Variants in LRRC72 observed in about 807,000 individuals in gnomAD.
The protein encoded by LRRC72 is leucine-rich repeat-containing protein 72.
A neutral mutation model predicts 35.8 loss-of-function variants in LRRC72; 41 were observed. The observed-to-expected ratio is 1.15, with a 90% CI of 0.89 to 1.49. The LOEUF (loss-of-function observed/expected upper bound fraction) is 1.49, where lower values mean the gene tolerates loss of function less well. Ranked by LOEUF, LRRC72 falls within the 40% of genes most tolerant of loss-of-function variation. The pLI, the probability that LRRC72 is intolerant of heterozygous loss-of-function variation, is 0.00. For missense variants in LRRC72, 389 were observed against 330.7 expected, an observed-to-expected ratio of 1.18 and a Z score of -1.37; for synonymous variants, 118 against 119.2, an observed-to-expected ratio of 0.99 and a Z score of 0.07.
intron 7 of LRRC72, among the ~76,000 whole-genome samples, chr7:16,571,116 A>T (rs1782936292): frequency 6.6e-6 from 1 of 152,102 alleles, no homozygotes; most frequent in African/African-American, 2.4e-5. Context: ...TGAAAGTAAC[A>T]TCCATAGGAC....
At chr7:16,571,091 G>T (rs1782935795) in intron 7 of LRRC72, among the ~76,000 whole-genome samples, 1 of 151,072 alleles carries the variant, frequency 6.6e-6, no homozygotes, top group South Asian at 2.1e-4. Flanking sequence ...TTTATTCCTA[G>T]TATTTCCCAT....
At chr7:16,558,294 C>CA (rs1296222192) in intron 4 of LRRC72, among the ~76,000 whole-genome samples, 3 of 152,060 alleles carry the variant, frequency 2.0e-5, no homozygotes, top group Non-Finnish European at 2.9e-5. Context: ...ATCAAACAAA[C>CA]AAAATCATTG....
At chr7:16,567,323 A>G (rs1782862799) in intron 6 of LRRC72, 68 bp from the exon 7 acceptor site, 6 of 1,072,158 alleles carry the variant, frequency 5.6e-6, no homozygotes, top group Non-Finnish European at 7.6e-6. Context: ...GAAAGTGTTC[A>G]GTTCTATTTT....
intron 5 of LRRC72, 109 bp downstream of exon 5, chr7:16,559,108 T>C: frequency 1.6e-6 from 1 of 644,654 alleles, no homozygotes; most frequent in Non-Finnish European, 2.6e-6. Flanking sequence ...AATTAAGATA[T>C]TTAGGCTGGG....
intron 3 of LRRC72, among the ~76,000 whole-genome samples, chr7:16,539,055 G>A (rs1353679155): frequency 6.6e-6 from 1 of 152,240 alleles, no homozygotes; most frequent in African/African-American, 2.4e-5. Context: ...CTTTGGAACT[G>A]AGTAACAGGC....
intron 7 of LRRC72, among the ~76,000 whole-genome samples, chr7:16,574,884 G>A (rs1783011243): frequency 6.6e-6 from 1 of 151,968 alleles, no homozygotes; most frequent in Non-Finnish European, 1.5e-5. Flanking sequence ...GGGAGTCCAA[G>A]GCAGGCGGAT....
At chr7:16,554,027 T>C (rs1782602887) in intron 3 of LRRC72, among the ~76,000 whole-genome samples, 1 of 152,136 alleles carries the variant, frequency 6.6e-6, no homozygotes, top group South Asian at 2.1e-4. Flanking sequence ...TCTAAATGGA[T>C]AATAATAATA....
chr7:16,546,463 A>G (rs1782444918), intron 3 of LRRC72, among the ~76,000 whole-genome samples: 1 of 151,926 alleles, frequency 6.6e-6, no homozygotes, highest in Admixed American at 6.5e-5. Flanking sequence ...ATTTCCAGAT[A>G]TTGTCAAATG....
At chr7:16,548,839 C>A (rs1236074990) in intron 3 of LRRC72, among the ~76,000 whole-genome samples, 2 of 152,212 alleles carry the variant, frequency 1.3e-5, no homozygotes, top group Non-Finnish European at 2.9e-5. Context: ...CCCAAAGATC[C>A]CGCAACACGA....
chr7:16,560,049 T>C (rs1306915434), intron 5 of LRRC72, among the ~76,000 whole-genome samples: 2 of 152,178 alleles, frequency 1.3e-5, no homozygotes, highest in South Asian at 4.1e-4. Context: ...AATAAACTTA[T>C]GGTCTTGAAG....
At chr7:16,541,243 T>C (rs1782352119) in intron 3 of LRRC72, among the ~76,000 whole-genome samples, 1 of 152,248 alleles carries the variant, frequency 6.6e-6, no homozygotes, top group Non-Finnish European at 1.5e-5. Context: ...TTGTTCATTA[T>C]ACAGTATATT....
chr7:16,581,325 A>G lies in LRRC72; in HGVS notation c.700A>G (p.Thr234Ala). Residue 234 changes from threonine to alanine, a missense_variant and splice_region_variant, in exon 9 of 9, where the codon ACT becomes GCT. Coordinates refer to ENST00000401542, the MANE Select transcript of LRRC72 (RefSeq NM_001195280.2). ...GACATAATTGCTTTTTTTTTGCAGA[A>G]CTGTGCTTGATGACCCAGAAGATGC... ...DFAFANNVDK[T>A]VLDDPEDAVF... The G allele has an allele frequency of 6.8e-7, 1 of 1,469,612 alleles. No homozygotes were observed. The highest frequency in any genetic ancestry group is 9.0e-7 in the Non-Finnish European group (1 of 1,106,278). The allele number at this position is 1,469,612 out of a possible 1,614,324, so 91.0% of individuals were successfully genotyped here. A position where few individuals can be genotyped will look rare whatever the true frequency, so the allele number is the denominator to read the frequency against.
intron 5 of LRRC72, among the ~76,000 whole-genome samples, chr7:16,561,297 A>G (rs987992789): frequency 6.6e-6 from 1 of 152,224 alleles, no homozygotes; most frequent in African/African-American, 2.4e-5. Flanking sequence ...TAAAAACTCT[A>G]TAATTTAAGG....
intron 3 of LRRC72, among the ~76,000 whole-genome samples, chr7:16,541,018 A>T (rs1782347233): frequency 6.6e-6 from 1 of 152,172 alleles, no homozygotes; most frequent in Non-Finnish European, 1.5e-5. Context: ...CAAGATCACC[A>T]AGTGTGGCTG....
intron 4 of LRRC72, among the ~76,000 whole-genome samples, chr7:16,557,920 C>T (rs779303006): frequency 6.6e-6 from 1 of 152,200 alleles, no homozygotes; most frequent in South Asian, 2.1e-4. Context: ...AAGCACAGTA[C>T]AAAACACTTT....
intron 1 of LRRC72, among the ~76,000 whole-genome samples, chr7:16,529,317 T>C (rs1382716475): frequency 6.6e-6 from 1 of 152,178 alleles, no homozygotes; most frequent in Non-Finnish European, 1.5e-5. Flanking sequence ...TAATTTCACC[T>C]CACCTCTTAA....
rs548155874 is a variant in LRRC72, at chr7:16,572,464, C to T, written c.670+4921C>T. On this transcript the variant is annotated intron_variant, in intron 7 of 8. Coordinates refer to ENST00000401542, the MANE Select transcript of LRRC72 (RefSeq NM_001195280.2). The stretch of plus-strand genomic sequence containing the variant: ...AAAAAGCTTATCCACCATGATCAAG[C>T]CAGCTTCATCCTTGGGATGCAAGGC... 5.1e-4 allele frequency among the ~76,000 whole-genome samples: 77 copies of T among 152,230 alleles called. No individual in the cohort carries two copies. The East Asian group carries it at 0.013, about 26-fold the overall frequency.
At chr7:16,549,048 G>C (rs1330683762) in intron 3 of LRRC72, among the ~76,000 whole-genome samples, 3 of 152,192 alleles carry the variant, frequency 2.0e-5, no homozygotes, top group Admixed American at 6.5e-5. Flanking sequence ...TGTTTGCTGA[G>C]TGGAAGAATG....
At chr7:16,541,983 C>T (rs1437784614) in intron 3 of LRRC72, among the ~76,000 whole-genome samples, 3 of 151,732 alleles carry the variant, frequency 2.0e-5, no homozygotes, top group East Asian at 1.9e-4. Flanking sequence ...AACTTGTCCT[C>T]GGTCACAGTG....
Sources: allele counts gnomAD v4.1 joint callset (sites outside exome capture counted in the v4.1 genomes callset), GRCh38; gene constraint gnomAD v4.1.1; transcripts MANE v1.5; gene names NCBI Gene and HGNC (gene_info 2026-07-23, HGNC 2026-07-21).